Variants in GSE1 observed in about 807,000 individuals in gnomAD.
GSE1 encodes the protein genetic suppressor element 1.
Under a neutral mutation model 112.6 loss-of-function variants are expected in GSE1, and 32 were observed. The observed-to-expected ratio is 0.28, with a 90% CI of 0.21 to 0.38. GSE1 has a LOEUF of 0.38. Among genes scored for constraint, GSE1 ranks in the 10% least tolerant of loss-of-function variants. The probability of loss-of-function intolerance (pLI) is 1.00; values close to 1 mark genes in which losing one functional copy is unlikely to be tolerated. For synonymous variants in GSE1, 1,115 were observed against 735.6 expected (o/e 1.52, Z -8.35); for missense variants, 2,348 against 1,699.2 (o/e 1.38, Z -6.71).
intron 2 of GSE1, among the ~76,000 whole-genome samples, chr16:85,435,727 A>AAATTC (rs2049232014): frequency 6.6e-6 from 1 of 151,876 alleles, no homozygotes; most frequent in South Asian, 2.1e-4. Flanking sequence ...CCCTCTCCTG[A>AAATTC]CGTCTCCACG....
chr16:85,429,112 C>G (rs981516699), intron 2 of GSE1, among the ~76,000 whole-genome samples: 2 of 152,234 alleles, frequency 1.3e-5, no homozygotes, highest in South Asian at 2.1e-4. Flanking sequence ...GCAGGAGCAG[C>G]AGGTGCCTGC....
chr16:85,636,394 G>A (rs1401399733), intron 2 of GSE1, among the ~76,000 whole-genome samples: 4 of 152,142 alleles, frequency 2.6e-5, no homozygotes, highest in African/African-American at 4.8e-5. Context: ...GGCCCTCGTC[G>A]CCCCCACCCG....
chr16:85,184,491 A>G (rs2074659927), intron 1 of GSE1, among the ~76,000 whole-genome samples: 1 of 152,208 alleles, frequency 6.6e-6, no homozygotes, highest in Non-Finnish European at 1.5e-5. Flanking sequence ...CATATTTGCT[A>G]AGCATTCCCC....
At chr16:85,524,974 G>A (rs1266360213) in intron 2 of GSE1, among the ~76,000 whole-genome samples, 4 of 152,126 alleles carry the variant, frequency 2.6e-5, no homozygotes, top group East Asian at 1.9e-4. Flanking sequence ...CGCCATGCCC[G>A]CTTCCCCTTT....
chr16:85,564,242 G>A (rs773485612), intron 1 of GSE1, among the ~76,000 whole-genome samples: 3 of 152,190 alleles, frequency 2.0e-5, no homozygotes, highest in Non-Finnish European at 2.9e-5. Flanking sequence ...TTCGAGGTGA[G>A]TGAGGCTGGG....
intron 1 of GSE1, among the ~76,000 whole-genome samples, chr16:85,184,045 C>T (rs777739185): frequency 3.9e-5 from 6 of 152,210 alleles, no homozygotes; most frequent in Non-Finnish European, 7.3e-5. Flanking sequence ...CTCTTGAATC[C>T]TTCCAGGGAT....
At chr16:85,312,021 G>A (rs1339472410) in intron 1 of GSE1, among the ~76,000 whole-genome samples, 1 of 152,196 alleles carries the variant, frequency 6.6e-6, no homozygotes, top group East Asian at 1.9e-4. Context: ...GGGCCAGCTC[G>A]ACCTCTGGGA....
chr16:85,667,653 T>A (rs556629412), intron 13 of GSE1, among the ~76,000 whole-genome samples: 1 of 152,288 alleles, frequency 6.6e-6, no homozygotes, highest in East Asian at 1.9e-4. Context: ...AGGTCCGGAG[T>A]TTGAAACCAG....
chr16:85,197,462 C>G lies in GSE1; in HGVS notation c.2283+25655C>G, dbSNP rs116142861. On this transcript the variant is annotated intron_variant, in intron 1 of 2. Coordinates refer to the GSE1 transcript ENST00000637419. ...TAACTCAATTCCTGTTCCAGCATAA[C>G]ACCCAGGGTGTCACTTCTAGCTTTA... Among the ~76,000 whole-genome samples the G allele has an allele frequency of 2.6e-3, 401 of 152,320 alleles. 3 individuals carry two copies. The highest frequency in any genetic ancestry group is 9.6e-3 in the African/African-American group (397 of 41,568).
intron 1 of GSE1, among the ~76,000 whole-genome samples, chr16:85,579,755 G>C (rs775823171): frequency 6.6e-6 from 1 of 152,224 alleles, no homozygotes; most frequent in African/African-American, 2.4e-5. Flanking sequence ...GCCAGGAAGA[G>C]AGTCATGGAA....
At chr16:85,577,914 C>T (rs1466622740) in intron 1 of GSE1, among the ~76,000 whole-genome samples, 1 of 152,258 alleles carries the variant, frequency 6.6e-6, no homozygotes, top group African/African-American at 2.4e-5. Context: ...GGTGCTGATG[C>T]CCGATGGCCG....
intron 8 of GSE1, among the ~76,000 whole-genome samples, chr16:85,660,142 C>T (rs911530497): frequency 3.3e-5 from 5 of 152,360 alleles, no homozygotes; most frequent in African/African-American, 1.2e-4. Flanking sequence ...GTGCTGGTGG[C>T]AGGGCCACAG....
intron 1 of GSE1, among the ~76,000 whole-genome samples, chr16:85,318,437 T>A (rs183064024): frequency 6.6e-5 from 10 of 152,224 alleles, no homozygotes; most frequent in East Asian, 1.9e-4. Context: ...CTAATTTTTT[T>A]AATTTTTTGT....
intron 2 of GSE1, among the ~76,000 whole-genome samples, chr16:85,394,376 G>A (rs1344754125): frequency 2.6e-5 from 4 of 152,056 alleles, no homozygotes; most frequent in African/African-American, 9.7e-5. Flanking sequence ...TGGGTGTAGA[G>A]GGAGAGTTCT....
At chr16:85,633,506 G>A (rs2151744446) in intron 1 of GSE1, among the ~76,000 whole-genome samples, 1 of 152,316 alleles carries the variant, frequency 6.6e-6, no homozygotes, top group African/African-American at 2.4e-5. Flanking sequence ...CCACCAGCGT[G>A]TTTCTATCCT....
chr16:85,430,956 C>A (rs1391962085), intron 2 of GSE1, among the ~76,000 whole-genome samples: 1 of 152,218 alleles, frequency 6.6e-6, no homozygotes, highest in African/African-American at 2.4e-5. Context: ...TAAGACTCTG[C>A]ACTTTGAGAG....
chr16:85,358,490 G>C (rs1303078305), intron 2 of GSE1, among the ~76,000 whole-genome samples: 2 of 152,166 alleles, frequency 1.3e-5, no homozygotes, highest in South Asian at 2.1e-4. Context: ...CCCGCCCCTG[G>C]TGCCAACCAC....
At chr16:85,439,599 G>A (rs903319928) in intron 2 of GSE1, among the ~76,000 whole-genome samples, 1 of 152,134 alleles carries the variant, frequency 6.6e-6, no homozygotes, top group Non-Finnish European at 1.5e-5. Flanking sequence ...TTCTCGGCCT[G>A]TGTCAGTGGG....
chr16:85,670,698 T>C (rs1300127455), intron 14 of GSE1: 1 of 191,966 alleles, frequency 5.2e-6, no homozygotes, highest in Non-Finnish European at 1.1e-5. Context: ...CTATTTTTTT[T>C]TTTTTGAAAG....
Sources: allele counts gnomAD v4.1 joint callset (sites outside exome capture counted in the v4.1 genomes callset), GRCh38; gene constraint gnomAD v4.1.1; transcripts MANE v1.5; gene names NCBI Gene and HGNC (gene_info 2026-07-23, HGNC 2026-07-21).